Variants in STIM1 observed in about 807,000 individuals in gnomAD.
STIM1 encodes stromal interaction molecule 1.
Under a neutral mutation model 74.7 loss-of-function variants are expected in STIM1, and 25 were observed. The ratio of observed to expected loss-of-function variants is 0.33; its 90% CI spans 0.24 to 0.47. The LOEUF (loss-of-function observed/expected upper bound fraction) is 0.47. Among genes scored for constraint, STIM1 ranks in the 20% least tolerant of loss-of-function variants. The probability of loss-of-function intolerance (pLI) is 1.00; values close to 1 mark genes in which losing one functional copy is unlikely to be tolerated. For synonymous variants in STIM1, 328 were observed against 348.8 expected, an observed-to-expected ratio of 0.94 and a Z score of 0.66; for missense variants, 728 against 920.8, an observed-to-expected ratio of 0.79 and a Z score of 2.71.
intron 4 of STIM1, chr11:4,058,742 C>G: frequency 1.0e-6 from 1 of 962,972 alleles, no homozygotes; most frequent in Non-Finnish European, 1.2e-6. Context: ...TACAAGCTAA[C>G]AGGACTAATT....
At chr11:4,040,338 T>C (rs1389327040) in intron 3 of STIM1, among the ~76,000 whole-genome samples, 1 of 152,220 alleles carries the variant, frequency 6.6e-6, no homozygotes, top group Non-Finnish European at 1.5e-5. Context: ...GTGCACTGCT[T>C]TATTGGCAGT....
chr11:3,991,367 T>G, intron 2 of STIM1, among the ~76,000 whole-genome samples: 1 of 151,298 alleles, frequency 6.6e-6, no homozygotes, highest in East Asian at 2.0e-4. Flanking sequence ...TACGGGGTTT[T>G]GCCATGTTGC....
rs150766622 is a variant in STIM1 at position 3,880,389 on chromosome 11, GA to G, written c.139+23982del. Among the ~76,000 whole-genome samples the G allele has an allele frequency of 8.4e-3, 1,274 of 152,288 alleles. 13 individuals are homozygous for G. The highest frequency in any genetic ancestry group is 0.029 in the African/African-American group (1,198 of 41,560). ...CTATTGGCTGATAGAGGATGAGCTT[GA>G]ATGCTGTTCCCAAAGTCTCCCGTCT... is the stretch of plus-strand genomic sequence containing the variant. On this transcript the variant is annotated intron_variant, in intron 1 of 12. Transcript: ENST00000526596.
rs2092681389 is a variant in STIM1, at chr11:3,918,644, T to C, written c.140-48908T>C. Among the ~76,000 whole-genome samples the C allele has an allele frequency of 2.6e-5, 4 of 152,160 alleles. 1 individual carries two copies. The South Asian group carries it at 8.3e-4, about 31-fold the overall frequency. ...GATTTTGGCTTGGGTCCTATGCCCA[T>C]CCTAAAGTAATCACTGTGGCCAGGA... On this transcript the variant is annotated intron_variant, in intron 1 of 12. Transcript: ENST00000526596.
intron 12 of STIM1, chr11:4,088,695 G>A (rs1261054735): frequency 1.6e-5 from 24 of 1,535,392 alleles, no homozygotes; most frequent in Admixed American, 3.9e-5. Flanking sequence ...TTTGCACCAC[G>A]CACCAGAGGA....
At chr11:4,026,277 T>C (rs1182271166) in intron 3 of STIM1, among the ~76,000 whole-genome samples, 11 of 152,216 alleles carry the variant, frequency 7.2e-5, no homozygotes, top group Non-Finnish European at 1.6e-4. Context: ...CTGTGTTATA[T>C]AGATCTTAGC....
chr11:4,006,866 G>T (rs1212150139), intron 2 of STIM1, among the ~76,000 whole-genome samples: 3 of 152,182 alleles, frequency 2.0e-5, no homozygotes, highest in Non-Finnish European at 4.4e-5. Context: ...AGGGAACAAG[G>T]TTGGAAAGGG....
At position 3,938,749 on chromosome 11, in the gene STIM1, A is replaced by G. The variant is rs537865525; in HGVS notation, c.140-28803A>G. 2.6e-5 allele frequency among the ~76,000 whole-genome samples: 4 copies of G among 152,280 alleles called. No individual in the cohort carries two copies. The East Asian group carries it at 7.7e-4, about 29-fold the overall frequency. ...GTAATCCCAGCTACTCAGAAGGCCG[A>G]GGCAGGAGAATTGCTTGAACCCGGG... On this transcript the variant is annotated intron_variant, in intron 1 of 12. Transcript: ENST00000526596.
Position 4,012,240 on chromosome 11 carries a change from G to GT in STIM1, c.271-11627dup, listed in dbSNP as rs1565147937. Among the ~76,000 whole-genome samples, 3 of 152,304 alleles carry GT rather than the reference G, an allele frequency of 2.0e-5. 1 individual carries two copies. The highest frequency in any genetic ancestry group is 4.1e-4 in the South Asian group (2 of 4,832). On this transcript the variant is annotated intron_variant, in intron 2 of 12. Transcript: ENST00000526596. ...TTGGTTCCATATGAACTTTAAAGTA[G>GT]TTTTTTCCAATTCTGTGAAGAAAGT... is the stretch of plus-strand genomic sequence containing the variant.
intron 1 of STIM1, among the ~76,000 whole-genome samples, chr11:3,929,846 A>T (rs2092836080): frequency 5.3e-5 from 8 of 152,210 alleles, no homozygotes; most frequent in Admixed American, 3.9e-4. Context: ...AAGTTTACAG[A>T]CAACAGTCCT....
intron 2 of STIM1, among the ~76,000 whole-genome samples, chr11:3,971,043 G>A (rs2093387989): frequency 6.6e-6 from 1 of 152,130 alleles, no homozygotes; most frequent in South Asian, 2.1e-4. Context: ...GTAGTCAAAG[G>A]TGTGCACAGT....
intron 1 of STIM1, among the ~76,000 whole-genome samples, chr11:3,878,613 G>A (rs191535464): frequency 1.3e-5 from 2 of 152,316 alleles, no homozygotes; most frequent in Admixed American, 1.3e-4. Flanking sequence ...TACAGAATGT[G>A]TTCCCTTGAT....
chr11:3,962,475 G>A (rs945179614), intron 1 of STIM1, among the ~76,000 whole-genome samples: 1 of 150,902 alleles, frequency 6.6e-6, no homozygotes, highest in African/African-American at 2.5e-5. Context: ...GTGTGTGTGT[G>A]TATAAAAATA....
At chr11:4,021,156 T>G (rs368192904) in intron 2 of STIM1, among the ~76,000 whole-genome samples, 47 of 151,628 alleles carry the variant, frequency 3.1e-4, no homozygotes, top group Admixed American at 9.2e-4. Context: ...TGGTGGTGGT[T>G]GTTGTTGTTG....
intron 1 of STIM1, among the ~76,000 whole-genome samples, chr11:3,904,777 G>C (rs1331277283): frequency 6.6e-6 from 1 of 152,136 alleles, no homozygotes; most frequent in Non-Finnish European, 1.5e-5. Context: ...ACAAGAGAGA[G>C]AGCCGGGGAA....
intron 6 of STIM1, among the ~76,000 whole-genome samples, chr11:4,073,818 A>G (rs2094420793): frequency 6.6e-6 from 1 of 152,168 alleles, no homozygotes; most frequent in East Asian, 1.9e-4. Context: ...GCCTGGGGGC[A>G]GCAGGGGACT....
intron 5 of STIM1, 126 bp from the exon 6 acceptor site, chr11:4,069,900 T>G: frequency 2.9e-6 from 3 of 1,029,026 alleles, no homozygotes; most frequent in South Asian, 1.3e-5. Context: ...GAAGAGAAAC[T>G]AATTCCTTCT....
At chr11:3,916,107 A>T (rs2135500083) in intron 1 of STIM1, among the ~76,000 whole-genome samples, 1 of 152,298 alleles carries the variant, frequency 6.6e-6, no homozygotes, top group South Asian at 2.1e-4. Flanking sequence ...CTGTTTTCAA[A>T]GCCAAGGTTA....
chr11:3,881,091 TAAAA>T (rs1169148093), intron 1 of STIM1, among the ~76,000 whole-genome samples: 2 of 130,802 alleles, frequency 1.5e-5, no homozygotes, highest in Non-Finnish European at 1.6e-5. Flanking sequence ...GGCCGTTTAT[TAAAA>T]AAAAAAAAAA....
Sources: gnomAD v4.1 joint callset for allele counts (sites outside exome capture counted in the v4.1 genomes callset) on GRCh38, gnomAD v4.1.1 for gene constraint, MANE v1.5 for transcripts, NCBI Gene and HGNC (gene_info 2026-07-23, HGNC 2026-07-21) for gene names.